The following KIAA1958 variants were observed in gnomAD, a reference collection of about 807,000 sequenced individuals.
KIAA1958 encodes the protein KIAA1958, also known as uncharacterized protein KIAA1958.
A neutral mutation model predicts 47.2 loss-of-function variants in KIAA1958; 14 were observed. That is an observed-to-expected ratio of 0.30 (90% CI 0.20 to 0.46). KIAA1958 has a LOEUF of 0.46. Ranked by LOEUF, KIAA1958 falls within the 20% of genes least tolerant of loss-of-function variation. The probability of loss-of-function intolerance (pLI) is 1.00; values close to 1 mark genes in which losing one functional copy is unlikely to be tolerated. For missense variants in KIAA1958, 803 were observed against 909.2 expected, an observed-to-expected ratio of 0.88 and a Z score of 1.50; for synonymous variants, 354 against 353.3, an observed-to-expected ratio of 1.00 and a Z score of -0.02.
intron 1 of KIAA1958, among the ~76,000 whole-genome samples, chr9:112,517,314 G>A (rs1834455459): frequency 6.6e-6 from 1 of 152,294 alleles, no homozygotes; most frequent in Non-Finnish European, 1.5e-5. Context: ...TCAACAAATG[G>A]TGCTTGAAGA....
At chr9:112,525,857 G>A (rs1834629328) in intron 1 of KIAA1958, among the ~76,000 whole-genome samples, 1 of 149,870 alleles carries the variant, frequency 6.7e-6, no homozygotes, top group African/African-American at 2.5e-5. Flanking sequence ...TAGGACAAAG[G>A]GATTCAGGGG....
At chr9:112,556,558 C>T (rs982949913) in intron 1 of KIAA1958, among the ~76,000 whole-genome samples, 16 of 152,146 alleles carry the variant, frequency 1.1e-4, no homozygotes, top group African/African-American at 3.4e-4. Flanking sequence ...TGTTCTCCAC[C>T]TCCTGTCCTC....
intron 3 of KIAA1958, among the ~76,000 whole-genome samples, chr9:112,658,990 A>T (rs1337000602): frequency 1.4e-5 from 2 of 140,058 alleles, no homozygotes; most frequent in African/African-American, 5.4e-5. Context: ...ACTGCACTCC[A>T]GCCTGGGCGA....
chr9:112,602,642 T>C (rs1409632938), intron 2 of KIAA1958, among the ~76,000 whole-genome samples: 3 of 152,304 alleles, frequency 2.0e-5, no homozygotes, highest in South Asian at 2.1e-4. Context: ...GATAAAGATA[T>C]TGTCTTGTAG....
intron 1 of KIAA1958, among the ~76,000 whole-genome samples, chr9:112,515,833 A>G (rs946557378): frequency 1.7e-5 from 2 of 116,588 alleles, no homozygotes; most frequent in African/African-American, 3.3e-5. Flanking sequence ...CTATTGTCCC[A>G]TGACCCTGCC....
At chr9:112,584,077 T>C (rs750085392) in intron 2 of KIAA1958, among the ~76,000 whole-genome samples, 2 of 151,474 alleles carry the variant, frequency 1.3e-5, no homozygotes, top group Non-Finnish European at 2.9e-5. Flanking sequence ...AAAAAAAAAA[T>C]CTGAGTGATG....
chr9:112,623,133 A>G (rs977528833), intron 2 of KIAA1958, among the ~76,000 whole-genome samples: 4 of 152,172 alleles, frequency 2.6e-5, no homozygotes, highest in South Asian at 4.1e-4. Context: ...CTGTTTTAAA[A>G]TCAATAAAGT....
At chr9:112,519,818 CAG>C (rs1449683160) in intron 1 of KIAA1958, among the ~76,000 whole-genome samples, 1 of 152,138 alleles carries the variant, frequency 6.6e-6, no homozygotes, top group East Asian at 1.9e-4. Flanking sequence ...ATAAAACAAT[CAG>C]TAACTATATG....
chr9:112,592,836 T>A (rs966449106), intron 2 of KIAA1958, among the ~76,000 whole-genome samples: 4 of 152,304 alleles, frequency 2.6e-5, no homozygotes, highest in Middle Eastern at 6.8e-3. Flanking sequence ...TTTCAGGTAA[T>A]GGGACAACGG....
At chr9:112,600,862 A>G (rs1016378235) in intron 2 of KIAA1958, among the ~76,000 whole-genome samples, 4 of 152,210 alleles carry the variant, frequency 2.6e-5, no homozygotes, top group African/African-American at 4.8e-5. Context: ...TATATGTCCA[A>G]CACTGAGCTA....
intron 1 of KIAA1958, among the ~76,000 whole-genome samples, chr9:112,498,219 C>T (rs1018685797): frequency 1.3e-5 from 2 of 152,066 alleles, no homozygotes; most frequent in Non-Finnish European, 2.9e-5. Context: ...AAGTTTATCT[C>T]CTGGAGAAAA....
chr9:112,550,612 G>T (rs1197192852), intron 1 of KIAA1958, among the ~76,000 whole-genome samples: 1 of 152,130 alleles, frequency 6.6e-6, no homozygotes, highest in East Asian at 1.9e-4. Context: ...AAAGGCAGAC[G>T]GATGAAGTCC....
rs1210384592 is a variant in KIAA1958, at chr9:112,579,995, T to C, written c.1171+4744T>C. ...TCCTCCCTATTAGATTCACCTGTTA[T>C]ACTTGACCCCTGCGTGGACCCAAGA... On this transcript the variant is annotated intron_variant, in intron 2 of 3. Coordinates refer to ENST00000337530, the MANE Select transcript of KIAA1958 (RefSeq NM_133465.4). 2.0e-5 allele frequency among the ~76,000 whole-genome samples: 3 copies of C among 152,220 alleles called. No homozygotes were observed. In the East Asian group the frequency reaches 5.8e-4, roughly 29 times the overall value.
chr9:112,602,259 A>G (rs1836147311), intron 2 of KIAA1958, among the ~76,000 whole-genome samples: 1 of 152,218 alleles, frequency 6.6e-6, no homozygotes, highest in Non-Finnish European at 1.5e-5. Context: ...ATTAGGAGCT[A>G]TTGCTATAAT....
intron 1 of KIAA1958, among the ~76,000 whole-genome samples, chr9:112,510,884 G>T (rs1834316208): frequency 6.6e-6 from 1 of 152,086 alleles, no homozygotes; most frequent in Admixed American, 6.6e-5. Flanking sequence ...AGCAAATTGT[G>T]TAACTATATG....
chr9:112,642,232 A>G (rs375222433), intron 2 of KIAA1958, among the ~76,000 whole-genome samples: 8 of 152,332 alleles, frequency 5.3e-5, no homozygotes, highest in African/African-American at 1.7e-4. Context: ...TCAAGCAGCT[A>G]TGATAAGTGG....
At chr9:112,551,638 T>C (rs1471588045) in intron 1 of KIAA1958, among the ~76,000 whole-genome samples, 1 of 152,234 alleles carries the variant, frequency 6.6e-6, no homozygotes, top group Non-Finnish European at 1.5e-5. Context: ...GACAAAATTA[T>C]ATAAGAACAT....
chr9:112,496,905 TTC>T (rs1834058975), intron 1 of KIAA1958, among the ~76,000 whole-genome samples: 1 of 152,214 alleles, frequency 6.6e-6, no homozygotes, highest in Non-Finnish European at 1.5e-5. Context: ...TCTGTGTAGG[TTC>T]TGTTTTTTGG....
intron 1 of KIAA1958, among the ~76,000 whole-genome samples, chr9:112,541,668 A>C (rs191294150): frequency 6.6e-6 from 1 of 152,070 alleles, no homozygotes; most frequent in Non-Finnish European, 1.5e-5. Flanking sequence ...ATAGTTGGGC[A>C]TGGTGGTGGG....
Sources: allele counts gnomAD v4.1 joint callset (sites outside exome capture counted in the v4.1 genomes callset), GRCh38; gene constraint gnomAD v4.1.1; transcripts MANE v1.5; gene names NCBI Gene and HGNC (gene_info 2026-07-23, HGNC 2026-07-21).